The following STK40 variants were observed in gnomAD, a reference collection of about 807,000 sequenced individuals.
STK40 encodes serine/threonine kinase 40, also known as serine/threonine-protein kinase 40.
STK40 carries 13 observed loss-of-function variants against 47.9 expected under a neutral mutation model. That is an observed-to-expected ratio of 0.27 (90% CI 0.18 to 0.43). The LOEUF is 0.43. Among genes scored for constraint, STK40 ranks in the 20% least tolerant of loss-of-function variants. The pLI is 1.00. For synonymous variants in STK40, 225 were observed against 243.2 expected (o/e 0.93, Z 0.69); for missense variants, 460 against 595.1 (o/e 0.77, Z 2.36).
intron 4 of STK40, 143 bp from the exon 5 acceptor site, chr1:36,355,576 G>C: frequency 1.1e-6 from 1 of 879,672 alleles, no homozygotes; most frequent in South Asian, 1.5e-5. Flanking sequence ...AGAGAGGACT[G>C]AGGCCTGGGC....
intron 7 of STK40, among the ~76,000 whole-genome samples, chr1:36,347,240 G>A (rs903928897): frequency 4.6e-5 from 7 of 152,206 alleles, no homozygotes; most frequent in African/African-American, 1.4e-4. Context: ...CGGAAAGGGC[G>A]CACTCATGTG....
chr1:36,342,656 T>A (rs1358015754), intron 10 of STK40: 1 of 159,648 alleles, frequency 6.3e-6, no homozygotes, highest in Non-Finnish European at 1.4e-5. Flanking sequence ...GGGCTAGTGA[T>A]GATGATTTTA....
intron 2 of STK40, 121 bp from the exon 3 acceptor site, chr1:36,358,943 G>C: frequency 1.9e-6 from 2 of 1,060,640 alleles, no homozygotes; most frequent in Non-Finnish European, 2.8e-6. Context: ...ATGTGTACTG[G>C]ACTGACCCTC....
At position 36,340,249 on chromosome 1, in the gene STK40, G is replaced by A. The variant is rs947989376; in HGVS notation, c.*1506C>T. ...TGCTGGATGGGGCATGGGGAGAAAG[G>A]GGCGTGGGCAGCCCTGCTACTGCTG... is the stretch of plus-strand genomic sequence containing the variant. On this transcript the variant is annotated 3_prime_UTR_variant, in exon 11 of 11. Coordinates refer to ENST00000373132, the MANE Select transcript of STK40 (RefSeq NM_001282547.2). 2.0e-5 allele frequency: 3 copies of A among 152,860 alleles called. No individual in the cohort carries two copies. Among genetic ancestry groups the A allele is most frequent in the African/African-American group, 7.2e-5 (3 of 41,480 alleles). 9.5% of individuals were successfully genotyped at this position (152,860 alleles called of 1,614,324 possible).
intron 4 of STK40, among the ~76,000 whole-genome samples, chr1:36,355,983 A>G (rs1165890377): frequency 3.9e-5 from 6 of 152,142 alleles, no homozygotes; most frequent in African/African-American, 1.4e-4. Flanking sequence ...TACTCCCGAC[A>G]GTCACATGAT....
chr1:36,379,161 A>G (rs1307777442), intron 1 of STK40, among the ~76,000 whole-genome samples: 1 of 152,200 alleles, frequency 6.6e-6, no homozygotes, highest in African/African-American at 2.4e-5. Context: ...CTAAAGGCTG[A>G]AGATCTTCTA....
At chr1:36,360,761 T>C (rs1161004834) in intron 2 of STK40, among the ~76,000 whole-genome samples, 1 of 152,168 alleles carries the variant, frequency 6.6e-6, no homozygotes, top group Non-Finnish European at 1.5e-5. Context: ...TTGCAAAGTC[T>C]TGAACTCTTA....
chr1:36,350,969 G>A (rs543571398), intron 6 of STK40, among the ~76,000 whole-genome samples: 121 of 152,326 alleles, frequency 7.9e-4, no homozygotes, highest in African/African-American at 2.8e-3. Context: ...AGTGGGGGGT[G>A]CATGGCTCCC....
chr1:36,358,704 C>T (rs145929365), intron 3 of STK40, 33 bp downstream of exon 3: 48,689 of 1,610,712 alleles, frequency 0.03, 897 homozygotes, highest in Non-Finnish European at 0.035. Flanking sequence ...AGGCCCTGTT[C>T]CTGAGGCACC....
At position 36,341,611 on chromosome 1, in the gene STK40, G is replaced by T. The variant is rs754218179; in HGVS notation, c.*144C>A. The T allele has an allele frequency of 1.1e-6, 1 of 951,428 alleles. No homozygotes were observed. Among genetic ancestry groups the T allele is most frequent in the Non-Finnish European group, 1.6e-6 (1 of 644,998 alleles). 58.9% of individuals were successfully genotyped at this position (951,428 alleles called of 1,614,324 possible). On this transcript the variant is annotated 3_prime_UTR_variant, in exon 11 of 11. Coordinates refer to ENST00000373132, the MANE Select transcript of STK40 (RefSeq NM_001282547.2). ...TTCGTGGTACCTCTGCTGACCCCAC[G>T]TGTGACCTGGGCTGTCCCTGTCCCT... is the stretch of plus-strand genomic sequence containing the variant.
intron 1 of STK40, among the ~76,000 whole-genome samples, chr1:36,379,505 C>T (rs775458954): frequency 1.4e-4 from 21 of 151,898 alleles, no homozygotes; most frequent in Admixed American, 4.6e-4. Context: ...CTCAGCCTCC[C>T]GAGTAGCTGG....
chr1:36,368,560 CTATT>C (rs1278122715), intron 1 of STK40, among the ~76,000 whole-genome samples: 1 of 152,146 alleles, frequency 6.6e-6, no homozygotes, highest in Non-Finnish European at 1.5e-5. Context: ...TCTACTCATG[CTATT>C]TTTTTTTCCA....
At chr1:36,369,552 C>T (rs1007090252) in intron 1 of STK40, among the ~76,000 whole-genome samples, 1 of 152,190 alleles carries the variant, frequency 6.6e-6, no homozygotes, top group Non-Finnish European at 1.5e-5. Flanking sequence ...ACCCCTGCCC[C>T]GCCCAACTCT....
intron 1 of STK40, among the ~76,000 whole-genome samples, chr1:36,384,277 G>A (rs547350331): frequency 6.8e-4 from 104 of 152,238 alleles, no homozygotes; most frequent in Non-Finnish European, 1.3e-3. Flanking sequence ...TGATCCGCCC[G>A]CCTCGGCTTC....
intron 4 of STK40, among the ~76,000 whole-genome samples, chr1:36,356,002 G>A (rs1172688333): frequency 2.6e-5 from 4 of 152,156 alleles, no homozygotes; most frequent in Non-Finnish European, 5.9e-5. Context: ...ATGGCTAAGA[G>A]TGACTCTGAC....
chr1:36,341,498 T>C lies in STK40; in HGVS notation c.*257A>G, dbSNP rs1646646713. 3.8e-6 allele frequency: 2 copies of C among 519,636 alleles called. No homozygotes were observed. The highest frequency in any genetic ancestry group is 2.1e-5 in the South Asian group (1 of 47,000). 32.2% of individuals were successfully genotyped at this position (519,636 alleles called of 1,614,324 possible). ...GCATGGTTAAAGAGACAGAGGTAGA[T>C]TAAAACATCGTGATTAAAAGCAGAT... On this transcript the variant is annotated 3_prime_UTR_variant, in exon 11 of 11. Coordinates refer to ENST00000373132, the MANE Select transcript of STK40 (RefSeq NM_001282547.2).
At chr1:36,342,013 C>G in intron 10 of STK40, 40 bp from the exon 11 acceptor site, 1 of 1,566,658 alleles carries the variant, frequency 6.4e-7, no homozygotes. Flanking sequence ...AAAGATAAAC[C>G]CAGATGAAGG....
intron 7 of STK40, among the ~76,000 whole-genome samples, chr1:36,347,505 A>G (rs1321355785): frequency 6.6e-6 from 1 of 152,184 alleles, no homozygotes; most frequent in African/African-American, 2.4e-5. Flanking sequence ...CTGAGCCTCA[A>G]TTTCCTCATC....
At chr1:36,372,114 G>T (rs963333281) in intron 1 of STK40, among the ~76,000 whole-genome samples, 1 of 152,104 alleles carries the variant, frequency 6.6e-6, no homozygotes, top group Non-Finnish European at 1.5e-5. Flanking sequence ...TAGAACCCAC[G>T]GATGTGGAGG....
Sources: allele counts gnomAD v4.1 joint callset (sites outside exome capture counted in the v4.1 genomes callset), GRCh38; gene constraint gnomAD v4.1.1; transcripts MANE v1.5; gene names NCBI Gene and HGNC (gene_info 2026-07-23, HGNC 2026-07-21).